Variants in SVOPL observed in about 807,000 individuals in gnomAD.
SVOPL encodes the protein putative transporter SVOPL.
SVOPL carries 60 observed loss-of-function variants against 61.0 expected under a neutral mutation model. That is an observed-to-expected ratio of 0.98 (90% CI 0.80 to 1.22). The LOEUF (loss-of-function observed/expected upper bound fraction) is 1.22. Among genes scored for constraint, SVOPL ranks in the 50% most tolerant of loss-of-function variants. The pLI is 0.00. For missense variants in SVOPL, 662 were observed against 643.9 expected, an observed-to-expected ratio of 1.03 and a Z score of -0.30; for synonymous variants, 279 against 250.0, an observed-to-expected ratio of 1.12 and a Z score of -1.09.
chr7:138,660,054 T>C, intron 5 of SVOPL, 66 bp from the exon 6 acceptor site: 1 of 1,535,098 alleles, frequency 6.5e-7, no homozygotes, highest in Non-Finnish European at 8.8e-7. Context: ...AGCCCTAACT[T>C]CTGAAGGCGA....
At chr7:138,611,905 C>T (rs1158582465) in intron 14 of SVOPL, among the ~76,000 whole-genome samples, 7 of 58,580 alleles carry the variant, frequency 1.2e-4, no homozygotes, top group South Asian at 7.6e-4. Flanking sequence ...TGCCCAACAG[C>T]TCATTGAGAA....
chr7:138,664,333 C>A (rs1802153327), intron 4 of SVOPL: 1 of 719,032 alleles, frequency 1.4e-6, no homozygotes, highest in Non-Finnish European at 1.7e-6. Context: ...TCGGACACAC[C>A]CCTGGCCCTC....
intron 2 of SVOPL, 52 bp from the exon 3 acceptor site, chr7:138,678,577 C>A (rs1431142432): frequency 3.3e-6 from 5 of 1,511,766 alleles, no homozygotes; most frequent in Non-Finnish European, 4.5e-6. Flanking sequence ...GAAGGGAATG[C>A]GTGTGGACTA....
chr7:138,620,434 TC>T (rs1799510610), intron 14 of SVOPL, among the ~76,000 whole-genome samples: 1 of 137,286 alleles, frequency 7.3e-6, no homozygotes, highest in Non-Finnish European at 1.5e-5. Context: ...GATTTCTGTT[TC>T]TTTGCAGCCA....
intron 13 of SVOPL, among the ~76,000 whole-genome samples, chr7:138,624,851 A>T (rs1321562777): frequency 1.3e-5 from 2 of 152,004 alleles, no homozygotes; most frequent in Non-Finnish European, 2.9e-5. Flanking sequence ...TTACAGGTAC[A>T]TGCCCCCATC....
chr7:138,652,075 T>A (rs1297911642), intron 7 of SVOPL, among the ~76,000 whole-genome samples: 1 of 151,240 alleles, frequency 6.6e-6, no homozygotes, highest in Non-Finnish European at 1.5e-5. Context: ...AATTTTTTTT[T>A]CCCCCTCGCT....
intron 4 of SVOPL, among the ~76,000 whole-genome samples, chr7:138,666,059 C>G (rs569369965): frequency 6.6e-6 from 1 of 152,318 alleles, no homozygotes; most frequent in South Asian, 2.1e-4. Context: ...AGAACAATAC[C>G]CAGCCTGTTC....
chr7:138,631,780 G>C (rs1274496479), intron 9 of SVOPL, among the ~76,000 whole-genome samples: 5 of 152,028 alleles, frequency 3.3e-5, no homozygotes, highest in Non-Finnish European at 7.4e-5. Flanking sequence ...TGTTGCCCAG[G>C]CTGGTCTCAA....
rs192699726 is a variant in SVOPL at position 138,659,980 on chromosome 7, G to A, written c.354C>T (p.Leu118=). The part of the protein sequence containing the change: ...ADRYGRWKIL[L]ISFLWGAYFS... ...AATAGGCTCCCCACAGGAACGAGAT[G>A]AGCAGAATCTGAAGCAACAGCAGAA... is the stretch of plus-strand genomic sequence containing the variant. Residue 118 remains leucine (L), a synonymous_variant, in exon 6 of 16, where the codon CTC becomes CTT. Transcript: ENST00000674285. 2.4e-5 allele frequency: 37 copies of A among 1,551,544 alleles called. No individual in the cohort carries two copies. The highest frequency in any genetic ancestry group is 3.3e-4 in the Middle Eastern group (2 of 5,992).
intron 14 of SVOPL, 31 bp downstream of exon 14, chr7:138,621,015 C>G: frequency 6.2e-7 from 1 of 1,602,508 alleles, no homozygotes; most frequent in Non-Finnish European, 8.5e-7. Context: ...CTCTCAGACT[C>G]TCTCTCTCCC....
At chr7:138,684,259 GGA>G (rs1198153636) in intron 1 of SVOPL, among the ~76,000 whole-genome samples, 4 of 151,788 alleles carry the variant, frequency 2.6e-5, no homozygotes, top group Non-Finnish European at 5.9e-5. Flanking sequence ...CAGCTACTCG[GGA>G]GGCTGAGGCG....
At chr7:138,664,767 G>GCCCC in intron 4 of SVOPL, among the ~76,000 whole-genome samples, 1 of 45,046 alleles carries the variant, frequency 2.2e-5, no homozygotes, top group East Asian at 9.3e-4. Context: ...CCCCTCCCCC[G>GCCCC]CACGCTGCTG....
At chr7:138,628,032 A>T (rs902150814) in intron 11 of SVOPL, 126 bp downstream of exon 11, 2 of 1,113,224 alleles carry the variant, frequency 1.8e-6, no homozygotes, top group Non-Finnish European at 2.6e-6. Context: ...TTTCAGCACT[A>T]CTTGGCAACT....
At chr7:138,657,810 A>G (rs1801818810) in intron 6 of SVOPL, among the ~76,000 whole-genome samples, 1 of 152,044 alleles carries the variant, frequency 6.6e-6, no homozygotes, top group Non-Finnish European at 1.5e-5. Context: ...ATCTCCTAAC[A>G]TATTTTAAGA....
chr7:138,618,599 T>C (rs910678229), intron 14 of SVOPL, among the ~76,000 whole-genome samples: 6 of 152,038 alleles, frequency 3.9e-5, no homozygotes, highest in African/African-American at 1.4e-4. Context: ...AGGCGGAGGT[T>C]GCAGTGAACC....
rs966497206 is a variant in SVOPL, at chr7:138,697,446, G to A, written c.-35+3732C>T. On this transcript the variant is annotated intron_variant, in intron 1 of 15. Coordinates refer to ENST00000674285, the MANE Select transcript of SVOPL (RefSeq NM_001139456.2). The stretch of plus-strand genomic sequence containing the variant: ...GTGAGACCTGGTCTCTACAAAAAAA[G>A]TTTTTTAAAAAATTAGCCCTGTGTG... Among the ~76,000 whole-genome samples, 3 of 151,492 alleles carry A rather than the reference G, an allele frequency of 2.0e-5. 1 individual carries two copies. The highest frequency in any genetic ancestry group is 2.1e-4 in the South Asian group (1 of 4,800).
intron 1 of SVOPL, among the ~76,000 whole-genome samples, chr7:138,698,180 G>GGAGGGGGAAGC: frequency 6.7e-6 from 1 of 148,762 alleles, no homozygotes. Flanking sequence ...GAGGGGGAAG[G>GGAGGGGGAAGC]AAGAAAGCCA....
intron 4 of SVOPL, among the ~76,000 whole-genome samples, chr7:138,667,642 C>T (rs1802302365): frequency 6.6e-6 from 1 of 152,220 alleles, no homozygotes; most frequent in Admixed American, 6.5e-5. Context: ...CCCACCTCTT[C>T]CTACATGCTT....
chr7:138,621,793 T>G (rs1013301208), intron 13 of SVOPL, among the ~76,000 whole-genome samples: 1 of 151,304 alleles, frequency 6.6e-6, no homozygotes, highest in Non-Finnish European at 1.5e-5. Flanking sequence ...TATCTATCTA[T>G]CTATCTATGT....
Sources: allele counts gnomAD v4.1 joint callset (sites outside exome capture counted in the v4.1 genomes callset), GRCh38; gene constraint gnomAD v4.1.1; transcripts MANE v1.5; gene names NCBI Gene and HGNC (gene_info 2026-07-23, HGNC 2026-07-21).